The following TRPC4AP variants were observed in gnomAD, a reference collection of about 807,000 sequenced individuals.
TRPC4AP encodes the protein short transient receptor potential channel 4-associated protein.
In TRPC4AP, 45 loss-of-function variants were observed where a neutral mutation model predicts 99.0. The ratio of observed to expected loss-of-function variants is 0.45; its 90% CI spans 0.36 to 0.58. TRPC4AP has a LOEUF of 0.58. Among genes scored for constraint, TRPC4AP ranks in the 20% least tolerant of loss-of-function variants. The pLI, the probability that TRPC4AP is intolerant of heterozygous loss-of-function variation, is 0.00. For synonymous variants in TRPC4AP, 408 were observed against 385.8 expected (o/e 1.06, Z -0.67); for missense variants, 879 against 985.3 (o/e 0.89, Z 1.44).
intron 1 of TRPC4AP, among the ~76,000 whole-genome samples, chr20:35,084,779 CA>C (rs1379612824): frequency 6.7e-6 from 1 of 148,244 alleles, no homozygotes; most frequent in Non-Finnish European, 1.5e-5. Context: ...TATATATATA[CA>C]GGGTATATGT....
intron 3 of TRPC4AP, among the ~76,000 whole-genome samples, chr20:35,059,670 A>C (rs2083928770): frequency 8.1e-6 from 1 of 124,028 alleles, no homozygotes; most frequent in African/African-American, 2.7e-5. Flanking sequence ...TAAAAGAAAA[A>C]AAAGAAGAAG....
At position 35,044,687 on chromosome 20, in the gene TRPC4AP, G is replaced by A; in HGVS notation, c.683C>T (p.Pro228Leu). ...KKEMIRLDEV[P>L]NLSSLVSNFD... ...ATTGGATACTAAGGAACTCAGATTG[G>A]GGACTTCATCTAGTCGGATCATTTC... The change falls in exon 7 of 19, where the codon CCC becomes CTC. Residue 228 changes from proline (P) to leucine (L), a missense_variant. Pro to Leu is a moderately conservative substitution (Grantham distance 98). This residue lies in a region of TRPC4AP where 603 missense variants were observed against 631.8 expected (regional missense o/e 0.95). Transcript: ENST00000252015. 1 of 1,614,126 alleles carries A rather than the reference G, an allele frequency of 6.2e-7. No individual in the cohort carries two copies. The highest frequency in any genetic ancestry group is 1.1e-5 in the South Asian group (1 of 91,070).
chr20:35,041,479 T>C (rs1004491484), intron 7 of TRPC4AP, among the ~76,000 whole-genome samples: 3 of 151,826 alleles, frequency 2.0e-5, no homozygotes, highest in African/African-American at 4.8e-5. Context: ...ACATAGACTG[T>C]CTACTAGGCT....
At chr20:35,010,561 C>T (rs2082611716) in intron 11 of TRPC4AP, among the ~76,000 whole-genome samples, 1 of 152,098 alleles carries the variant, frequency 6.6e-6, no homozygotes, top group Non-Finnish European at 1.5e-5. Context: ...AGCTCTGGGC[C>T]TTTCTCTTTG....
chr20:35,042,083 A>G (rs895706249), intron 7 of TRPC4AP, among the ~76,000 whole-genome samples: 1 of 152,234 alleles, frequency 6.6e-6, no homozygotes, highest in Admixed American at 6.5e-5. Context: ...ACATATGTAT[A>G]TATGTGCCAT....
chr20:35,036,799 A>G (rs2083329562), intron 7 of TRPC4AP, among the ~76,000 whole-genome samples: 1 of 152,120 alleles, frequency 6.6e-6, no homozygotes, highest in African/African-American at 2.4e-5. Flanking sequence ...TACAAAAATT[A>G]GCCAGGCGTG....
At chr20:35,055,633 G>A (rs532702502) in intron 4 of TRPC4AP, among the ~76,000 whole-genome samples, 11 of 152,156 alleles carry the variant, frequency 7.2e-5, no homozygotes, top group African/African-American at 1.4e-4. Context: ...TCACCCTCCC[G>A]AGTGGCTAGG....
intron 8 of TRPC4AP, among the ~76,000 whole-genome samples, chr20:35,022,213 T>A (rs2082906540): frequency 6.6e-6 from 1 of 152,202 alleles, no homozygotes; most frequent in Non-Finnish European, 1.5e-5. Flanking sequence ...TGGAGTGCAG[T>A]GGCATGACCT....
chr20:35,027,101 C>T (rs2083049983), intron 8 of TRPC4AP, among the ~76,000 whole-genome samples: 1 of 152,204 alleles, frequency 6.6e-6, no homozygotes, highest in African/African-American at 2.4e-5. Flanking sequence ...GGCAATGGCA[C>T]TGCCACTTCC....
At chr20:35,039,385 G>GA (rs1366046140) in intron 7 of TRPC4AP, among the ~76,000 whole-genome samples, 1 of 152,072 alleles carries the variant, frequency 6.6e-6, no homozygotes, top group Non-Finnish European at 1.5e-5. Context: ...CTTCTCCCCA[G>GA]AAAAAAATTC....
chr20:35,019,005 C>T (rs915665740), intron 9 of TRPC4AP, among the ~76,000 whole-genome samples: 5 of 152,286 alleles, frequency 3.3e-5, no homozygotes, highest in Middle Eastern at 3.4e-3. Context: ...TCATTAGCAC[C>T]AGAGGGATGA....
chr20:35,084,450 GTA>G (rs1234726875), intron 1 of TRPC4AP, among the ~76,000 whole-genome samples: 4 of 149,030 alleles, frequency 2.7e-5, no homozygotes, highest in Admixed American at 6.8e-5. Flanking sequence ...AAGGGTATAT[GTA>G]TATATGTGTG....
At chr20:35,064,743 G>C (rs1474928602) in intron 3 of TRPC4AP, among the ~76,000 whole-genome samples, 1 of 152,128 alleles carries the variant, frequency 6.6e-6, no homozygotes, top group Non-Finnish European at 1.5e-5. Context: ...CTCTAGAAAA[G>C]GTGAAGTAAT....
intron 6 of TRPC4AP, 82 bp from the exon 7 acceptor site, chr20:35,044,794 A>G: frequency 2.9e-6 from 4 of 1,367,772 alleles, no homozygotes; most frequent in Non-Finnish European, 3.1e-6. Flanking sequence ...ATCCCCTTAC[A>G]TACGGGGCTT....
At chr20:35,017,159 G>A (rs772693950) in intron 9 of TRPC4AP, among the ~76,000 whole-genome samples, 2 of 152,100 alleles carry the variant, frequency 1.3e-5, no homozygotes, top group Non-Finnish European at 2.9e-5. Context: ...GCCACTCAAT[G>A]GGATACAAGG....
chr20:35,046,174 TA>T (rs2083558569), intron 6 of TRPC4AP, among the ~76,000 whole-genome samples: 1 of 152,248 alleles, frequency 6.6e-6, no homozygotes, highest in Non-Finnish European at 1.5e-5. Context: ...CTGTAAATTT[TA>T]ATATCCTATA....
rs756710715 is a variant in TRPC4AP at position 35,003,610 on chromosome 20, C to T, written c.2056G>A (p.Val686Ile). 1.6e-5 allele frequency: 26 copies of T among 1,613,244 alleles called. No homozygotes were observed. Among genetic ancestry groups the T allele is most frequent in the Middle Eastern group, 1.7e-4 (1 of 6,052 alleles). Reference sequence around the variant, plus strand: ...ACCAGGCTGGTGTTGAGGCAGCTGACGTTCTCCTGCAAGGCCACAGGCCCA... The same window carrying T: ...ACCAGGCTGGTGTTGAGGCAGCTGATGTTCTCCTGCAAGGCCACAGGCCCA... ...IHVQTLTQENVSCLNTSLVIL... is the reference protein window; with the variant it reads ...IHVQTLTQENISCLNTSLVIL... Residue 686 changes from valine to isoleucine, a missense_variant, in exon 18 of 19, where the codon GTC becomes ATC. By Grantham distance (29) the Val-to-Ile change is conservative. This residue lies in a region of TRPC4AP where 224 missense variants were observed against 264.7 expected (regional missense o/e 0.85). Transcript: ENST00000252015.
At chr20:35,079,117 G>T (rs763519591) in intron 1 of TRPC4AP, among the ~76,000 whole-genome samples, 1 of 152,074 alleles carries the variant, frequency 6.6e-6, no homozygotes, top group Non-Finnish European at 1.5e-5. Context: ...AAGAAAGATG[G>T]AGTAGTTATA....
At chr20:35,089,402 T>G (rs996677872) in intron 1 of TRPC4AP, among the ~76,000 whole-genome samples, 6 of 151,094 alleles carry the variant, frequency 4.0e-5, no homozygotes, top group East Asian at 3.9e-4. Context: ...AATGTTTTTT[T>G]TTTTTTTTTT....
Sources: allele counts gnomAD v4.1 joint callset (sites outside exome capture counted in the v4.1 genomes callset), GRCh38; gene constraint gnomAD v4.1.1; regional missense constraint gnomAD v4.1.1; transcripts MANE v1.5; gene names NCBI Gene and HGNC (gene_info 2026-07-23, HGNC 2026-07-21).